The following SLC25A47 variants were observed in gnomAD, a reference collection of about 807,000 sequenced individuals.
The protein encoded by SLC25A47 is HCC-down-regulated mitochondrial carrier protein.
SLC25A47 carries 30 observed loss-of-function variants against 29.8 expected under a neutral mutation model. That is an observed-to-expected ratio of 1.01 (90% CI 0.75 to 1.36). SLC25A47 has a LOEUF of 1.36. Among genes scored for constraint, SLC25A47 ranks in the 40% most tolerant of loss-of-function variants. SLC25A47 has a pLI of 0.00. For missense variants in SLC25A47, 430 were observed against 441.9 expected, an observed-to-expected ratio of 0.97 and a Z score of 0.24; for synonymous variants, 204 against 197.8, an observed-to-expected ratio of 1.03 and a Z score of -0.26.
intron 2 of SLC25A47, 83 bp from the exon 3 acceptor site, chr14:100,326,074 T>C (rs1595388811): frequency 1.1e-5 from 14 of 1,233,316 alleles, no homozygotes; most frequent in Non-Finnish European, 1.6e-5. Flanking sequence ...CAATCAAGAG[T>C]GTGACTCTGC....
At position 100,329,909 on chromosome 14, in the gene SLC25A47, C is replaced by A. The variant is rs965429109; in HGVS notation, c.*264C>A. On this transcript the variant is annotated 3_prime_UTR_variant, in exon 6 of 6. Transcript: ENST00000361529. ...GAGGAGTGGGCCTCTTTGATGAGAG[C>A]GTTGAGTTGCATGGAGTCGGTTGTT... 5.6e-6 allele frequency: 3 copies of A among 536,160 alleles called. No homozygotes were observed. The highest frequency in any genetic ancestry group is 5.1e-4 in the Middle Eastern group (1 of 1,964). The allele number at this position is 536,160 out of a possible 1,614,324, so 33.2% of individuals were successfully genotyped here. A position where few individuals can be genotyped will look rare whatever the true frequency, so the allele number is the denominator to read the frequency against.
At position 100,327,386 on chromosome 14, in the gene SLC25A47, C is replaced by T. The variant is rs765066371; in HGVS notation, c.327+16C>T. ...CCTCGTCCGCGTGAGTAGGGGCAGC[C>T]AGGGTGGGGAAGGCCCAAGAGAGAC... On this transcript the variant is annotated intron_variant, in intron 4 of 5. Transcript: ENST00000361529. 1 of 1,579,600 alleles carries T rather than the reference C, an allele frequency of 6.3e-7. No homozygotes were observed. The highest frequency in any genetic ancestry group is 8.6e-7 in the Non-Finnish European group (1 of 1,168,848).
At position 100,327,358 on chromosome 14, in the gene SLC25A47, C is replaced by T. The variant is rs201275801; in HGVS notation, c.315C>T (p.Ser105=). The T allele has an allele frequency of 8.8e-5, 140 of 1,595,834 alleles. No individual in the cohort carries two copies. The East Asian group carries it at 1.0e-3, about 11-fold the overall frequency. The change falls in exon 4 of 6, where the codon TCC becomes TCT. Residue 105 remains serine, a synonymous_variant. Transcript: ENST00000361529. ...ACATCACGCTCTCGGGATGCGCCTC[C>T]GGCCTCGTCCGCGTGAGTAGGGGCA... The part of the protein sequence containing the change: ...KADITLSGCA[S]GLVRVFLTSP...
rs775013552 is a variant in SLC25A47, at chr14:100,325,835, C to G, written c.72+4C>G. ...CTACCCCCTGGACACGGTGAAGGTG[C>G]GGCAATAGCCAGCCCCCCAACCATC... On this transcript the variant is annotated splice_donor_region_variant and intron_variant, in intron 2 of 5. Coordinates refer to ENST00000361529, the MANE Select transcript of SLC25A47 (RefSeq NM_207117.4). The G allele has an allele frequency of 3.7e-6, 6 of 1,611,066 alleles. No individual in the cohort carries two copies. The highest frequency in any genetic ancestry group is 4.2e-6 in the Non-Finnish European group (5 of 1,178,546).
chr14:100,326,013 C>T, intron 2 of SLC25A47, 144 bp from the exon 3 acceptor site: 1 of 969,694 alleles, frequency 1.0e-6, no homozygotes, highest in Non-Finnish European at 1.6e-6. Context: ...GGTTTCTCGT[C>T]TAACACAAGG....
At chr14:100,325,901 AGAATGCTAAACAGACCCACCC>A (rs1893331278) in intron 2 of SLC25A47, 70 bp downstream of exon 2, 3 of 1,531,098 alleles carry the variant, frequency 2.0e-6, no homozygotes, top group Non-Finnish European at 2.7e-6. Context: ...AGACTTTTCT[AGAATGCTAAACAGACCCACCC>A]CTTTCCTACC....
chr14:100,329,344 G>A, intron 5 of SLC25A47, 21 bp from the exon 6 acceptor site: 1 of 1,573,244 alleles, frequency 6.4e-7, no homozygotes, highest in Non-Finnish European at 8.6e-7. Context: ...TCCCAGTCAA[G>A]GCACTGTGGT....
intron 3 of SLC25A47, among the ~76,000 whole-genome samples, chr14:100,326,928 C>T (rs1235143684): frequency 2.6e-5 from 4 of 152,026 alleles, no homozygotes. Flanking sequence ...GAGTTAAGAT[C>T]GTGCCACTGC....
At position 100,329,426 on chromosome 14, in the gene SLC25A47, C is replaced by A; in HGVS notation, c.708C>A (p.Thr236=). 6.2e-7 allele frequency: 1 copy of A among 1,613,160 alleles called. No individual in the cohort carries two copies. Among genetic ancestry groups the A allele is most frequent in the Non-Finnish European group, 8.5e-7 (1 of 1,179,956 alleles). ...CAGVLAWAVA[T]PMDVIKSRLQ... is the part of the protein sequence containing the mutation. Reference sequence around the variant, plus strand: ...GAGTCCTGGCCTGGGCTGTGGCCACCCCCATGGACGTGATCAAGTCGAGAC... The same window carrying A: ...GAGTCCTGGCCTGGGCTGTGGCCACACCCATGGACGTGATCAAGTCGAGAC... The change falls in exon 6 of 6, where the codon ACC becomes ACA. Residue 236 remains threonine, a synonymous_variant. Coordinates refer to ENST00000361529, the MANE Select transcript of SLC25A47 (RefSeq NM_207117.4).
In SLC25A47 at chr14:100,328,916, A is replaced by T; in HGVS notation, c.518A>T (p.Glu173Val). The T allele has an allele frequency of 6.2e-7, 1 of 1,609,334 alleles. No homozygotes were observed. The highest frequency in any genetic ancestry group is 8.5e-7 in the Non-Finnish European group (1 of 1,179,818). ...TGCCTGGCCACGGTAGCCCGTGAGG[A>T]GGGGCTGTGCGGCCTCTACAAGGGC... ...LHCLATVAREEGLCGLYKGSS... is the reference protein window; with the variant it reads ...LHCLATVAREVGLCGLYKGSS... The change falls in exon 5 of 6, where the codon GAG becomes GTG. Residue 173 changes from glutamate (E) to valine (V), a missense_variant. Physicochemically the swap from Glu to Val is moderately radical, Grantham distance 121. Coordinates refer to ENST00000361529, the MANE Select transcript of SLC25A47 (RefSeq NM_207117.4).
rs368992323 is a variant in SLC25A47, at chr14:100,327,413, G to T, written c.327+43G>T. 3 of 1,543,758 alleles carry T rather than the reference G, an allele frequency of 1.9e-6. No homozygotes were observed. In the Admixed American group the frequency reaches 5.5e-5, roughly 28 times the overall value. On this transcript the variant is annotated intron_variant, in intron 4 of 5. Coordinates refer to ENST00000361529, the MANE Select transcript of SLC25A47 (RefSeq NM_207117.4). ...GGGTGGGGAAGGCCCAAGAGAGACTGCGGGGTCTGAGAGGTTATCCATCCT... is the reference window on the plus strand; with the variant it reads ...GGGTGGGGAAGGCCCAAGAGAGACTTCGGGGTCTGAGAGGTTATCCATCCT...
Position 100,327,329 on chromosome 14 carries a change from G to C in SLC25A47, c.286G>C (p.Ala96Pro). 1 of 1,602,046 alleles carries C rather than the reference G, an allele frequency of 6.2e-7. No individual in the cohort carries two copies. The highest frequency in any genetic ancestry group is 1.7e-5 in the Admixed American group (1 of 59,952). The change falls in exon 4 of 6, where the codon GCC becomes CCC. Residue 96 changes from alanine to proline, a missense_variant. By Grantham distance (27) the Ala-to-Pro change is conservative (BLOSUM62 -1). Coordinates refer to ENST00000361529, the MANE Select transcript of SLC25A47 (RefSeq NM_207117.4). ...YGNPDAKPTK[A>P]DITLSGCASG... ...CAACCCTGACGCCAAGCCCACCAAG[G>C]CCGACATCACGCTCTCGGGATGCGC... is the stretch of plus-strand genomic sequence containing the variant.
At position 100,328,876 on chromosome 14, in the gene SLC25A47, C is replaced by A; in HGVS notation, c.478C>A (p.Arg160Ser). 1 of 1,611,964 alleles carries A rather than the reference C, an allele frequency of 6.2e-7. No individual in the cohort carries two copies. Among genetic ancestry groups the A allele is most frequent in the Non-Finnish European group, 8.5e-7 (1 of 1,179,758 alleles). ...VPPACPEPKY[R>S]GPLHCLATVA... ...CCCAGCCTGCCCAGAGCCCAAGTAC[C>A]GCGGGCCACTGCACTGCCTGGCCAC... Residue 160 changes from arginine to serine, a missense_variant, in exon 5 of 6, where the codon CGC (arginine) becomes AGC (serine). Transcript: ENST00000361529.
At chr14:100,329,151 T>G in intron 5 of SLC25A47, 107 bp downstream of exon 5, 1 of 1,337,634 alleles carries the variant, frequency 7.5e-7, no homozygotes, top group Non-Finnish European at 1.0e-6. Flanking sequence ...GAACTTGGCC[T>G]CCTGCCTCCC....
chr14:100,328,884 A>G lies in SLC25A47; in HGVS notation c.486A>G (p.Pro162=), dbSNP rs368229347. Residue 162 remains proline, a synonymous_variant, in exon 5 of 6, where the codon CCA becomes CCG. Coordinates refer to ENST00000361529, the MANE Select transcript of SLC25A47 (RefSeq NM_207117.4). ...PACPEPKYRG[P]LHCLATVARE... is the part of the protein sequence containing the mutation. ...GCCCAGAGCCCAAGTACCGCGGGCC[A>G]CTGCACTGCCTGGCCACGGTAGCCC... 112 of 1,611,684 alleles carry G rather than the reference A, an allele frequency of 6.9e-5. No homozygotes were observed. The highest frequency in any genetic ancestry group is 9.2e-5 in the Non-Finnish European group (109 of 1,179,788).
rs201144508 is a variant in SLC25A47 at position 100,329,514 on chromosome 14, G to A, written c.796G>A (p.Val266Ile). Residue 266 changes from valine to isoleucine, a missense_variant, in exon 6 of 6, where the codon GTT (valine) becomes ATT (isoleucine). By Grantham distance (29) the Val-to-Ile change is conservative. Transcript: ENST00000361529. ...TCTCCTGCACTGTATGGTGACCAGC[G>A]TTCGAGAGGAGGGACCCCGGGTCCT... ...RGLLHCMVTS[V>I]REEGPRVLFK... The A allele has an allele frequency of 5.1e-5, 82 of 1,613,362 alleles. No individual in the cohort carries two copies. Among genetic ancestry groups the A allele is most frequent in the East Asian group, 1.3e-4 (6 of 44,902 alleles).
At chr14:100,326,259 G>A (rs1420129181) in intron 3 of SLC25A47, 31 bp downstream of exon 3, 1 of 1,604,152 alleles carries the variant, frequency 6.2e-7, no homozygotes, top group South Asian at 1.1e-5. Context: ...TGGGTAGGGA[G>A]ACAGGGAGGG....
At chr14:100,323,525 C>A in intron 1 of SLC25A47, 83 bp downstream of exon 1, 1 of 1,545,212 alleles carries the variant, frequency 6.5e-7, no homozygotes, top group Non-Finnish European at 8.9e-7. Context: ...AGGTGCTGGG[C>A]AGCAGGGTGG....
chr14:100,329,391 G>C lies in SLC25A47; in HGVS notation c.673G>C (p.Gly225Arg). The C allele has an allele frequency of 6.2e-7, 1 of 1,608,758 alleles. No individual in the cohort carries two copies. Among genetic ancestry groups the C allele is most frequent in the Middle Eastern group, 1.7e-4 (1 of 6,052 alleles). Residue 225 changes from glycine to arginine, a missense_variant, in exon 6 of 6, where the codon GGC (glycine) becomes CGC (arginine). Transcript: ENST00000361529. The stretch of plus-strand genomic sequence containing the variant: ...TGTCCCGGGCGTGCTGGTGGCCGGG[G>C]GCTGTGCAGGAGTCCTGGCCTGGGC... ...PDVPGVLVAG[G>R]CAGVLAWAVA...
Sources: allele counts gnomAD v4.1 joint callset (sites outside exome capture counted in the v4.1 genomes callset), GRCh38; gene constraint gnomAD v4.1.1; transcripts MANE v1.5; gene names NCBI Gene and HGNC (gene_info 2026-07-23, HGNC 2026-07-21).